The following PSMB2 variants were observed in gnomAD, a reference collection of about 807,000 sequenced individuals.
PSMB2 encodes proteasome subunit beta type-2.
A neutral mutation model predicts 25.7 loss-of-function variants in PSMB2; 13 were observed. The ratio of observed to expected loss-of-function variants is 0.51; its 90% CI spans 0.33 to 0.80. The LOEUF (loss-of-function observed/expected upper bound fraction) is 0.80. Ranked by LOEUF, PSMB2 falls within the 30% of genes least tolerant of loss-of-function variation. The probability of loss-of-function intolerance (pLI) is 0.02; values close to 1 mark genes in which losing one functional copy is unlikely to be tolerated. For missense variants in PSMB2, 202 were observed against 259.0 expected (o/e 0.78, Z 1.51); for synonymous variants, 87 against 96.2 (o/e 0.90, Z 0.56).
intron 3 of PSMB2, among the ~76,000 whole-genome samples, chr1:35,628,625 ATATATATTTT>A (rs1245031676): frequency 9.1e-5 from 4 of 44,008 alleles, no homozygotes; most frequent in African/African-American, 2.1e-4. Context: ...ATATATATAT[ATATATATTTT>A]TTTTTTTTTT....
intron 2 of PSMB2, among the ~76,000 whole-genome samples, chr1:35,635,096 C>T (rs1651207717): frequency 6.6e-6 from 1 of 151,790 alleles, no homozygotes; most frequent in Admixed American, 6.6e-5. Flanking sequence ...CCTGTCTCTA[C>T]TAAAAATACA....
intron 3 of PSMB2, among the ~76,000 whole-genome samples, chr1:35,628,799 C>G (rs890901802): frequency 2.6e-4 from 39 of 150,830 alleles, no homozygotes; most frequent in African/African-American, 9.3e-4. Flanking sequence ...CTGAGAGGTA[C>G]TATTTATTGA....
At chr1:35,625,060 C>A (rs1449475757) in intron 3 of PSMB2, among the ~76,000 whole-genome samples, 72 of 146,040 alleles carry the variant, frequency 4.9e-4, no homozygotes, top group South Asian at 6.5e-4. Context: ...AACTCCACCT[C>A]AAAAAAAAAA....
At position 35,623,940 on chromosome 1, in the gene PSMB2, G is replaced by A. The variant is rs563458986; in HGVS notation, c.285+7334C>T. Among the ~76,000 whole-genome samples the A allele has an allele frequency of 2.0e-5, 3 of 152,320 alleles. No homozygotes were observed. In the South Asian group the frequency reaches 6.2e-4, roughly 32 times the overall value. The stretch of plus-strand genomic sequence containing the variant: ...ACCTCACTGATACCAATAAACAGAT[G>A]ATGCCTTTGTGCCAGCCACCTAAGG... On this transcript the variant is annotated intron_variant, in intron 3 of 5. Coordinates refer to ENST00000373237, the MANE Select transcript of PSMB2 (RefSeq NM_002794.5).
rs918007388 is a variant in PSMB2 at position 35,641,223 on chromosome 1, G to A, written c.91+119C>T. 3.2e-6 allele frequency: 4 copies of A among 1,254,680 alleles called. No homozygotes were observed. In the African/African-American group the frequency reaches 4.5e-5, roughly 14 times the overall value. The allele number at this position is 1,254,680 out of a possible 1,614,324, so 77.7% of individuals were successfully genotyped here. On this transcript the variant is annotated intron_variant, in intron 1 of 5. Transcript: ENST00000373237. Reference sequence around the variant, plus strand: ...AAATAAATAAATAAAATAAGTACGGGCAGGGCAGGCCGGCTTCCATCTCTC... The same window carrying A: ...AAATAAATAAATAAAATAAGTACGGACAGGGCAGGCCGGCTTCCATCTCTC...
At chr1:35,641,229 C>G in intron 1 of PSMB2, 113 bp downstream of exon 1, 2 of 1,330,224 alleles carry the variant, frequency 1.5e-6, no homozygotes, top group Middle Eastern at 2.6e-4. Flanking sequence ...ACGGGCAGGG[C>G]AGGCCGGCTT....
chr1:35,641,483 G>T lies in PSMB2; in HGVS notation c.-51C>A. 6.2e-7 allele frequency: 1 copy of T among 1,611,788 alleles called. No individual in the cohort carries two copies. Among genetic ancestry groups the T allele is most frequent in the South Asian group, 1.1e-5 (1 of 90,820 alleles). ...GTCCGACACAGCACGAGACTCGCCC[G>T]CTTCCAGGTCTCACCGGTGAGACAG... On this transcript the variant is annotated 5_prime_UTR_variant, in exon 1 of 6. Transcript: ENST00000373237.
chr1:35,633,466 C>T (rs2148577480), intron 2 of PSMB2, among the ~76,000 whole-genome samples: 1 of 133,256 alleles, frequency 7.5e-6, no homozygotes, highest in East Asian at 2.0e-4. Flanking sequence ...ATTTAAGGGT[C>T]TTTAAGGGCA....
chr1:35,622,810 TAAAA>T (rs113355309), intron 3 of PSMB2, among the ~76,000 whole-genome samples: 1 of 133,138 alleles, frequency 7.5e-6, no homozygotes. Flanking sequence ...ACAGCACATT[TAAAA>T]AAAAAAAAAA....
chr1:35,616,834 A>G (rs1650504556), intron 3 of PSMB2, among the ~76,000 whole-genome samples: 1 of 152,200 alleles, frequency 6.6e-6, no homozygotes. Context: ...GTTTGGTGGT[A>G]TAATTTTAAA....
intron 3 of PSMB2, among the ~76,000 whole-genome samples, chr1:35,609,896 AAT>A (rs753884026): frequency 4.6e-5 from 7 of 152,264 alleles, no homozygotes; most frequent in Non-Finnish European, 1.0e-4. Context: ...CCATATACCC[AAT>A]ATATATATAC....
chr1:35,624,752 C>CA lies in PSMB2; in HGVS notation c.285+6521dup, dbSNP rs996110050. ...TGGGTGAGAGAGCAAGACTCTGTCT[C>CA]AAAAAAAACAAAAACAAAAACAAAA... On this transcript the variant is annotated intron_variant, in intron 3 of 5. Transcript: ENST00000373237. Among the ~76,000 whole-genome samples the CA allele has an allele frequency of 9.2e-4, 137 of 149,616 alleles. No homozygotes were observed. In the Middle Eastern group the frequency reaches 0.01, roughly 11 times the overall value.
At chr1:35,611,016 T>C (rs1650314046) in intron 3 of PSMB2, among the ~76,000 whole-genome samples, 1 of 152,148 alleles carries the variant, frequency 6.6e-6, no homozygotes, top group African/African-American at 2.4e-5. Flanking sequence ...AGCTGCGCCA[T>C]TTACCATGTT....
intron 3 of PSMB2, among the ~76,000 whole-genome samples, chr1:35,623,606 G>A (rs770247785): frequency 1.3e-5 from 2 of 152,176 alleles, no homozygotes; most frequent in African/African-American, 2.4e-5. Context: ...TTTTGTCTCC[G>A]GAAAATAAAC....
chr1:35,640,613 C>T (rs1481930100), intron 1 of PSMB2, among the ~76,000 whole-genome samples: 2 of 151,768 alleles, frequency 1.3e-5, no homozygotes, highest in Admixed American at 6.6e-5. Flanking sequence ...AACAAACTAA[C>T]CTCATTACTA....
chr1:35,611,456 C>A (rs1177405681), intron 3 of PSMB2, among the ~76,000 whole-genome samples: 2 of 152,118 alleles, frequency 1.3e-5, no homozygotes, highest in Admixed American at 6.5e-5. Context: ...GAATTTCCCA[C>A]CTCAGCCTCC....
In PSMB2 at chr1:35,603,078, T is replaced by C. The variant is rs1650052487; in HGVS notation, c.*189A>G. ...AAAGTCAGACCTGGCAAAAAGATCATCTTCCCTCCATATCCTTTCTGAGGT... is the reference window on the plus strand; with the variant it reads ...AAAGTCAGACCTGGCAAAAAGATCACCTTCCCTCCATATCCTTTCTGAGGT... On this transcript the variant is annotated 3_prime_UTR_variant, in exon 6 of 6. Transcript: ENST00000373237. 6 of 1,360,234 alleles carry C rather than the reference T, an allele frequency of 4.4e-6. No homozygotes were observed. In the African/African-American group the frequency reaches 4.4e-5, roughly 10 times the overall value. 84.3% of individuals were successfully genotyped at this position (1,360,234 alleles called of 1,614,324 possible).
At chr1:35,639,565 C>T (rs1045876644) in intron 1 of PSMB2, among the ~76,000 whole-genome samples, 3 of 152,008 alleles carry the variant, frequency 2.0e-5, no homozygotes, top group African/African-American at 7.3e-5. Flanking sequence ...ATGTCTTGGA[C>T]TCTTCTATGG....
In PSMB2 at chr1:35,599,953, C is replaced by T. The variant is rs377758209; in HGVS notation, c.*3314G>A. On this transcript the variant is annotated 3_prime_UTR_variant, in exon 6 of 6. Transcript: ENST00000373237. ...TTCGAGACCAGCCTAGGCAACATGG[C>T]GAGACCCTGTCTCTACAAAAAATTT... The T allele has an allele frequency of 2.0e-4, 150 of 740,338 alleles. 1 individual carries two copies. Among genetic ancestry groups the T allele is most frequent in the Non-Finnish European group, 2.3e-4 (142 of 606,826 alleles). 45.9% of individuals were successfully genotyped at this position (740,338 alleles called of 1,614,324 possible).
Sources: gnomAD v4.1 joint callset for allele counts (sites outside exome capture counted in the v4.1 genomes callset) on GRCh38, gnomAD v4.1.1 for gene constraint, MANE v1.5 for transcripts, NCBI Gene and HGNC (gene_info 2026-07-23, HGNC 2026-07-21) for gene names.